Variants in STPG3 observed in about 807,000 individuals in gnomAD.
The protein encoded by STPG3 is sperm-tail PG-rich repeat containing 3.
A neutral mutation model predicts 32.5 loss-of-function variants in STPG3; 39 were observed. That is an observed-to-expected ratio of 1.20 (90% CI 0.93 to 1.57). STPG3 has a LOEUF of 1.57. Ranked by LOEUF, STPG3 falls within the 40% of genes most tolerant of loss-of-function variation. The pLI, the probability that STPG3 is intolerant of heterozygous loss-of-function variation, is 0.00. For missense variants in STPG3, 507 were observed against 407.6 expected (o/e 1.24, Z -2.10); for synonymous variants, 209 against 172.4 (o/e 1.21, Z -1.66).
intron 3 of STPG3, 128 bp from the exon 4 acceptor site, chr9:137,252,309 G>A (rs955659276): frequency 5.3e-6 from 7 of 1,313,940 alleles, no homozygotes; most frequent in African/African-American, 2.9e-5. Context: ...GCTAGGGCTG[G>A]GGCATGGGTG....
At position 137,252,019 on chromosome 9, in the gene STPG3, TG is replaced by T; in HGVS notation, c.288del (p.Ile97SerfsTer104). 1 of 1,612,274 alleles carries T rather than the reference TG, an allele frequency of 6.2e-7. No homozygotes were observed. Among genetic ancestry groups the T allele is most frequent in the Middle Eastern group, 1.7e-4 (1 of 6,058 alleles). On this transcript the variant is annotated frameshift_variant, in exon 3 of 6. Coordinates refer to ENST00000412566, the MANE Select transcript of STPG3 (RefSeq NM_001004353.4). LOFTEE classifies it high-confidence loss of function. ...LRELLLEQRP[L>X]ITADLEVPSP... Reference sequence around the variant, plus strand: ...TGGCCAGTGCTGGAGCAACGCCCCCTGATCACAGCTGACCTGGAAGTCCCCA... The same window carrying T: ...TGGCCAGTGCTGGAGCAACGCCCCCTATCACAGCTGACCTGGAAGTCCCCA...
intron 1 of STPG3, 122 bp from the exon 2 acceptor site, chr9:137,251,616 A>C: frequency 8.1e-7 from 1 of 1,230,840 alleles, no homozygotes. Context: ...GTGTGGGGAC[A>C]GGCTGTGGGG....
chr9:137,252,996 G>A (rs1564438901), intron 5 of STPG3, 31 bp downstream of exon 5: 5 of 1,571,050 alleles, frequency 3.2e-6, no homozygotes, highest in Admixed American at 3.6e-5. Context: ...GAGGGCTAGG[G>A]ATGGGGCATG....
intron 3 of STPG3, 129 bp from the exon 4 acceptor site, chr9:137,252,307 TG>T: frequency 7.6e-7 from 1 of 1,317,394 alleles, no homozygotes; most frequent in Non-Finnish European, 1.1e-6. Flanking sequence ...GGGCTAGGGC[TG>T]GGGCATGGGT....
intron 1 of STPG3, among the ~76,000 whole-genome samples, 167 bp downstream of exon 1, chr9:137,251,563 T>C (rs886784117): frequency 5.5e-4 from 52 of 94,514 alleles, no homozygotes; most frequent in Admixed American, 4.7e-3. Flanking sequence ...TGAGGGACAG[T>C]AGAGGGGACA....
Position 137,252,944 on chromosome 9 carries a change from T to C in STPG3, c.775T>C (p.Phe259Leu). 1 of 1,600,174 alleles carries C rather than the reference T, an allele frequency of 6.2e-7. No individual in the cohort carries two copies. The highest frequency in any genetic ancestry group is 8.5e-7 in the Non-Finnish European group (1 of 1,174,010). ...CTTCTCGATGAGCCGCTCCCCTGCG[T>C]TCACCTCCTGGCTCAGCACCTGTAA... is the stretch of plus-strand genomic sequence containing the variant. ...PAFSMSRSPA[F>L]TSWLSTSRTP... Residue 259 changes from phenylalanine to leucine, a missense_variant, in exon 5 of 6, where the codon TTC becomes CTC. Transcript: ENST00000412566.
intron 1 of STPG3, 70 bp from the exon 2 acceptor site, chr9:137,251,668 G>T: frequency 6.6e-7 from 1 of 1,514,336 alleles, no homozygotes; most frequent in Admixed American, 2.0e-5. Flanking sequence ...ACAATAGAGG[G>T]GACAGGCTGT....
intron 3 of STPG3, 75 bp from the exon 4 acceptor site, chr9:137,252,362 G>C (rs546655671): frequency 6.8e-6 from 10 of 1,481,320 alleles, no homozygotes; most frequent in Non-Finnish European, 8.4e-6. Flanking sequence ...GGTGGGAACC[G>C]GGAGACAGGT....
chr9:137,252,773 C>A lies in STPG3; in HGVS notation c.604C>A (p.Leu202Met). 6.4e-7 allele frequency: 1 copy of A among 1,561,898 alleles called. No homozygotes were observed. The highest frequency in any genetic ancestry group is 8.7e-7 in the Non-Finnish European group (1 of 1,153,872). ...KTPEGHTHLG[L>M]PGARGLGLRV... ...ACCTGAAGGCCACACCCACCTAGGG[C>A]TGCCTGGGGCTAGGGGGCTGGGCCT... is the stretch of plus-strand genomic sequence containing the variant. The change falls in exon 5 of 6, where the codon CTG becomes ATG. Residue 202 changes from leucine to methionine, a missense_variant. By Grantham distance (15) the Leu-to-Met change is conservative. Transcript: ENST00000412566.
chr9:137,252,012 C>T lies in STPG3; in HGVS notation c.280C>T (p.Arg94Cys), dbSNP rs200274542. The T allele has an allele frequency of 9.0e-5, 145 of 1,611,468 alleles. No individual in the cohort carries two copies. Among genetic ancestry groups the T allele is most frequent in the Non-Finnish European group, 1.1e-4 (134 of 1,179,218 alleles). The change falls in exon 3 of 6, where the codon CGC becomes TGC. Residue 94 changes from arginine (R) to cysteine (C), a missense_variant. Coordinates refer to ENST00000412566, the MANE Select transcript of STPG3 (RefSeq NM_001004353.4). ...CTTCCTGTGGCCAGTGCTGGAGCAA[C>T]GCCCCCTGATCACAGCTGACCTGGA... Reference protein sequence around the residue: ...QTLRELLLEQRPLITADLEVP... With the variant: ...QTLRELLLEQCPLITADLEVP...
At position 137,252,822 on chromosome 9, in the gene STPG3, T is replaced by C. The variant is rs1349216569; in HGVS notation, c.653T>C (p.Leu218Pro). Reference sequence around the variant, plus strand: ...CTCAGGGTGCAGCCCCAGTCCCTGCTTCAGGCCTCTTTGCAGGCACCTGGC... The same window carrying C: ...CTCAGGGTGCAGCCCCAGTCCCTGCCTCAGGCCTCTTTGCAGGCACCTGGC... ...LGLRVQPQSL[L>P]QASLQAPGKR... The change falls in exon 5 of 6, where the codon CTT (leucine) becomes CCT (proline). Residue 218 changes from leucine (L) to proline (P), a missense_variant. Physicochemically the swap from Leu to Pro is moderately conservative, Grantham distance 98. Coordinates refer to ENST00000412566, the MANE Select transcript of STPG3 (RefSeq NM_001004353.4). 6.4e-7 allele frequency: 1 copy of C among 1,568,456 alleles called. No individual in the cohort carries two copies. The highest frequency in any genetic ancestry group is 2.4e-5 in the East Asian group (1 of 42,140).
rs1837379595 is a variant in STPG3, at chr9:137,252,323, A to T, written c.404-114A>T. On this transcript the variant is annotated intron_variant, in intron 3 of 5. Coordinates refer to ENST00000412566, the MANE Select transcript of STPG3 (RefSeq NM_001004353.4). Reference sequence around the variant, plus strand: ...GGCTAGGGCTGGGGCATGGGTGGACATTGTGAAGACAAGGGTTCAGGGGCC... The same window carrying T: ...GGCTAGGGCTGGGGCATGGGTGGACTTTGTGAAGACAAGGGTTCAGGGGCC... 16 of 1,332,092 alleles carry T rather than the reference A, an allele frequency of 1.2e-5. No homozygotes were observed. In the East Asian group the frequency reaches 4.0e-4, roughly 33 times the overall value. The allele number at this position is 1,332,092 out of a possible 1,614,324, so 82.5% of individuals were successfully genotyped here.
chr9:137,252,670 G>A lies in STPG3; in HGVS notation c.501G>A (p.Ser167=), dbSNP rs774770871. ...ADFDQEQKWP[S]PAHYQLLSRP... Reference sequence around the variant, plus strand: ...CTCCTACCCCCTCGCAGTGGCCCTCGCCAGCCCACTACCAGCTGCTCAGCC... The same window carrying A: ...CTCCTACCCCCTCGCAGTGGCCCTCACCAGCCCACTACCAGCTGCTCAGCC... Residue 167 remains serine (S), a synonymous_variant, in exon 5 of 6, where the codon TCG becomes TCA. Transcript: ENST00000412566. 7 of 1,545,288 alleles carry A rather than the reference G, an allele frequency of 4.5e-6. No homozygotes were observed. Among genetic ancestry groups the A allele is most frequent in the African/African-American group, 4.1e-5 (3 of 72,906 alleles).
At position 137,252,497 on chromosome 9, in the gene STPG3, A is replaced by G. The variant is rs765858219; in HGVS notation, c.464A>G (p.Gln155Arg). 6.2e-7 allele frequency: 1 copy of G among 1,606,946 alleles called. No individual in the cohort carries two copies. Among genetic ancestry groups the G allele is most frequent in the Non-Finnish European group, 8.5e-7 (1 of 1,177,112 alleles). Reference protein sequence around the residue: ...LWFQSESPFTQKADFDQEQKW... With the variant: ...LWFQSESPFTRKADFDQEQKW... ...TTCCAGAGCGAAAGCCCCTTCACGCAGAAAGCTGACTTCGACCAAGAGCAA... is the reference window on the plus strand; with the variant it reads ...TTCCAGAGCGAAAGCCCCTTCACGCGGAAAGCTGACTTCGACCAAGAGCAA... The change falls in exon 4 of 6, where the codon CAG (glutamine) becomes CGG (arginine). Residue 155 changes from glutamine (Q) to arginine (R), a missense_variant. Physicochemically the swap from Gln to Arg is conservative, Grantham distance 43. Transcript: ENST00000412566.
At chr9:137,252,292 G>A in intron 3 of STPG3, 145 bp from the exon 4 acceptor site, 1 of 1,333,714 alleles carries the variant, frequency 7.5e-7, no homozygotes, top group Non-Finnish European at 1.0e-6. Flanking sequence ...GGCCTGGAGA[G>A]AGGAGGGCTA....
chr9:137,252,806 C>A lies in STPG3; in HGVS notation c.637C>A (p.Gln213Lys). Reference sequence around the variant, plus strand: ...GGCTAGGGGGCTGGGCCTCAGGGTGCAGCCCCAGTCCCTGCTTCAGGCCTC... The same window carrying A: ...GGCTAGGGGGCTGGGCCTCAGGGTGAAGCCCCAGTCCCTGCTTCAGGCCTC... Reference protein sequence around the residue: ...PGARGLGLRVQPQSLLQASLQ... With the variant: ...PGARGLGLRVKPQSLLQASLQ... The change falls in exon 5 of 6, where the codon CAG becomes AAG. Residue 213 changes from glutamine to lysine, a missense_variant. By Grantham distance (53) the Gln-to-Lys change is moderately conservative. Transcript: ENST00000412566. 1 of 1,564,844 alleles carries A rather than the reference C, an allele frequency of 6.4e-7. No individual in the cohort carries two copies. Among genetic ancestry groups the A allele is most frequent in the Non-Finnish European group, 8.7e-7 (1 of 1,155,340 alleles).
intron 3 of STPG3, 33 bp downstream of exon 3, chr9:137,252,168 G>A: frequency 1.9e-6 from 3 of 1,587,036 alleles, no homozygotes; most frequent in Non-Finnish European, 2.6e-6. Flanking sequence ...CCAACCACCG[G>A]GCCTGTCCCT....
At position 137,253,444 on chromosome 9, in the gene STPG3, C is replaced by T. The variant is rs1409443456; in HGVS notation, c.*199C>T. On this transcript the variant is annotated 3_prime_UTR_variant, in exon 6 of 6. Coordinates refer to ENST00000412566, the MANE Select transcript of STPG3 (RefSeq NM_001004353.4). ...GGCCCAGCCTGGATCCCCCATCTGC[C>T]CATCTCCCCGCTACACTGAGATGCT... 1.2e-5 allele frequency: 17 copies of T among 1,440,202 alleles called. No homozygotes were observed. Among genetic ancestry groups the T allele is most frequent in the Middle Eastern group, 1.8e-4 (1 of 5,548 alleles). The allele number at this position is 1,440,202 out of a possible 1,614,324, so 89.2% of individuals were successfully genotyped here.
rs773455376 is a variant in STPG3 at position 137,253,234 on chromosome 9, T to C, written c.916T>C (p.Cys306Arg). 1.9e-6 allele frequency: 3 copies of C among 1,607,816 alleles called. No individual in the cohort carries two copies. The highest frequency in any genetic ancestry group is 2.5e-6 in the Non-Finnish European group (3 of 1,177,696). ...RPKRHDTGPF[C>R]TL ...CAAGCGCCACGACACAGGCCCCTTC[T>C]GCACGCTCTAGAGCCAGCTGGGCAC... The change falls in exon 6 of 6, where the codon TGC (cysteine) becomes CGC (arginine). Residue 306 changes from cysteine (C) to arginine (R), a missense_variant. Physicochemically the swap from Cys to Arg is radical, Grantham distance 180. Coordinates refer to ENST00000412566, the MANE Select transcript of STPG3 (RefSeq NM_001004353.4).
Sources: allele counts gnomAD v4.1 joint callset (sites outside exome capture counted in the v4.1 genomes callset), GRCh38; gene constraint gnomAD v4.1.1; transcripts MANE v1.5; gene names NCBI Gene and HGNC (gene_info 2026-07-23, HGNC 2026-07-21).